The following SLC71A2 variants were observed in gnomAD, a reference collection of about 807,000 sequenced individuals.
SLC71A2 encodes the protein solute carrier family 71 member 2.
the SLC71A2 span, among the ~76,000 whole-genome samples, chr9:94,430,490 T>C: frequency 6.2e-4 from 94 of 152,254 alleles, 1 homozygote; most frequent in Non-Finnish European, 1.1e-3. Context: ...CCCACAGTCT[T>C]GCAATCACAG....
chr9:94,430,049 C>T, the SLC71A2 span, among the ~76,000 whole-genome samples: 1 of 150,508 alleles, frequency 6.6e-6, no homozygotes, highest in Non-Finnish European at 1.5e-5. Flanking sequence ...TGGGACTAGG[C>T]ATGCACCACC....
At chr9:94,395,147 C>T in the SLC71A2 span, among the ~76,000 whole-genome samples, 1 of 142,508 alleles carries the variant, frequency 7.0e-6, no homozygotes, top group South Asian at 2.3e-4. Context: ...TTCCTGACCT[C>T]AAGTAATCCA....
the SLC71A2 span, chr9:94,375,017 G>C: frequency 4.7e-6 from 4 of 859,172 alleles, no homozygotes; most frequent in South Asian, 5.6e-5. Flanking sequence ...GCTCCGGGCA[G>C]GGGCTTCGGC....
chr9:94,458,261 G>T, the SLC71A2 span: 1 of 1,507,806 alleles, frequency 6.6e-7, no homozygotes, highest in Non-Finnish European at 9.0e-7. Context: ...GTACTGTGCA[G>T]CTCCAAATCT....
At chr9:94,428,612 T>C in the SLC71A2 span, among the ~76,000 whole-genome samples, 3 of 137,358 alleles carry the variant, frequency 2.2e-5, no homozygotes, top group African/African-American at 8.5e-5. Context: ...TTTTTTTTTT[T>C]ACTATGGACA....
the SLC71A2 span, among the ~76,000 whole-genome samples, chr9:94,458,133 G>T: frequency 6.6e-6 from 1 of 152,152 alleles, no homozygotes; most frequent in African/African-American, 2.4e-5. Context: ...TGTTTTATAT[G>T]GTTTTATTAG....
At chr9:94,419,298 C>CTTTTTTTTTT in the SLC71A2 span, among the ~76,000 whole-genome samples, 1 of 132,666 alleles carries the variant, frequency 7.5e-6, no homozygotes, top group African/African-American at 2.8e-5. Flanking sequence ...ACTTTTTTTT[C>CTTTTTTTTTT]TTTTTTTTTT....
At chr9:94,379,517 G>C in the SLC71A2 span, among the ~76,000 whole-genome samples, 2 of 147,366 alleles carry the variant, frequency 1.4e-5, no homozygotes, top group Non-Finnish European at 3.0e-5. Flanking sequence ...AGCCTCCCTA[G>C]TAGCAAGGAC....
At chr9:94,422,099 G>A in the SLC71A2 span, among the ~76,000 whole-genome samples, 3 of 152,136 alleles carry the variant, frequency 2.0e-5, no homozygotes, top group Non-Finnish European at 4.4e-5. Flanking sequence ...GGCCAGACTG[G>A]TCTCAAACTC....
the SLC71A2 span, among the ~76,000 whole-genome samples, chr9:94,458,807 CTTCCCTTG>C: frequency 1.3e-5 from 2 of 152,230 alleles, no homozygotes. Flanking sequence ...TTTGAAATTT[CTTCCCTTG>C]TTCCCTCTAA....
At chr9:94,459,124 G>GTAT in the SLC71A2 span, 5 of 1,601,990 alleles carry the variant, frequency 3.1e-6, no homozygotes, top group African/African-American at 2.7e-5. Flanking sequence ...AAGACTAACT[G>GTAT]TATTCTTTGT....
chr9:94,397,254 A>G, the SLC71A2 span, among the ~76,000 whole-genome samples: 16 of 152,276 alleles, frequency 1.1e-4, no homozygotes, highest in Middle Eastern at 6.8e-3. Context: ...CTTATTATTA[A>G]CATTTTACAC....
chr9:94,459,539 T>C, the SLC71A2 span: 1 of 864,818 alleles, frequency 1.2e-6, no homozygotes, highest in Non-Finnish European at 1.7e-6. Flanking sequence ...GTTTGATAAA[T>C]ACCACCGCCA....
the SLC71A2 span, among the ~76,000 whole-genome samples, chr9:94,419,668 C>T: frequency 8.5e-5 from 13 of 152,184 alleles, no homozygotes; most frequent in South Asian, 4.2e-4. Flanking sequence ...AACTCCTCCT[C>T]GCCTCAGACA....
At chr9:94,454,770 T>C in the SLC71A2 span, among the ~76,000 whole-genome samples, 1 of 152,168 alleles carries the variant, frequency 6.6e-6, no homozygotes, top group African/African-American at 2.4e-5. Flanking sequence ...TCATTACCTA[T>C]CAGTAACATA....
the SLC71A2 span, among the ~76,000 whole-genome samples, chr9:94,431,860 T>A: frequency 2.0e-5 from 3 of 151,944 alleles, no homozygotes; most frequent in Non-Finnish European, 4.4e-5. Flanking sequence ...GAGGAGAGAG[T>A]GTTTGGCCCG....
the SLC71A2 span, among the ~76,000 whole-genome samples, chr9:94,401,660 A>G: frequency 1.3e-5 from 2 of 152,148 alleles, no homozygotes; most frequent in African/African-American, 4.8e-5. Context: ...GGTTCTTTCC[A>G]TCTTCAGTGT....
the SLC71A2 span, among the ~76,000 whole-genome samples, chr9:94,400,530 A>G: frequency 6.7e-6 from 1 of 149,278 alleles, no homozygotes; most frequent in South Asian, 2.1e-4. Context: ...AACAACTGAT[A>G]ATATTTGTTG....
the SLC71A2 span, among the ~76,000 whole-genome samples, chr9:94,445,892 T>C: frequency 1.3e-5 from 2 of 151,934 alleles, no homozygotes; most frequent in African/African-American, 2.4e-5. Flanking sequence ...AAATACCCCC[T>C]GAGGGCATGA....
Sources: allele counts gnomAD v4.1 joint callset (sites outside exome capture counted in the v4.1 genomes callset), GRCh38; gene constraint gnomAD v4.1.1; transcripts MANE v1.5; gene names NCBI Gene and HGNC (gene_info 2026-07-23, HGNC 2026-07-21).